Variants in PCDHA6 observed in about 807,000 individuals in gnomAD.
The protein encoded by PCDHA6 is protocadherin alpha-6.
Under a neutral mutation model 60.3 loss-of-function variants are expected in PCDHA6, and 55 were observed. The observed-to-expected ratio is 0.91, with a 90% CI of 0.73 to 1.14. The LOEUF (loss-of-function observed/expected upper bound fraction) is 1.14, where lower values mean the gene tolerates loss of function less well. Among genes scored for constraint, PCDHA6 ranks in the 50% most tolerant of loss-of-function variants. The pLI, the probability that PCDHA6 is intolerant of heterozygous loss-of-function variation, is 0.00. For missense variants in PCDHA6, 1,327 were observed against 1,256.5 expected (o/e 1.06, Z -0.85); for synonymous variants, 652 against 557.9 (o/e 1.17, Z -2.38).
chr5:140,917,442 G>C (rs186885625), intron 1 of PCDHA6, among the ~76,000 whole-genome samples: 5 of 152,072 alleles, frequency 3.3e-5, no homozygotes, highest in Admixed American at 3.3e-4. Flanking sequence ...TGTTTTTGCT[G>C]CAAGAGCGTT....
chr5:140,875,478 G>T, intron 1 of PCDHA6: 4 of 1,610,404 alleles, frequency 2.5e-6, no homozygotes, highest in Non-Finnish European at 3.4e-6. Flanking sequence ...CTGCAATGGT[G>T]ATTATCGGAC....
chr5:140,834,050 T>C (rs1772774316), intron 1 of PCDHA6, among the ~76,000 whole-genome samples: 1 of 152,196 alleles, frequency 6.6e-6, no homozygotes, highest in African/African-American at 2.4e-5. Flanking sequence ...TAAGAATGCT[T>C]CTAACAATCA....
At chr5:140,966,882 C>A (rs782464160) in intron 1 of PCDHA6, 1 of 1,589,690 alleles carries the variant, frequency 6.3e-7, no homozygotes, top group Non-Finnish European at 8.5e-7. Context: ...CTACCTGGCC[C>A]TGCGGCCTCC....
chr5:140,891,782 T>C (rs574840881), intron 1 of PCDHA6, among the ~76,000 whole-genome samples: 1 of 152,284 alleles, frequency 6.6e-6, no homozygotes, highest in African/African-American at 2.4e-5. Flanking sequence ...AGGAAATGTT[T>C]AGATTATGAG....
At chr5:140,922,068 A>C (rs1554200634) in intron 1 of PCDHA6, among the ~76,000 whole-genome samples, 1 of 152,196 alleles carries the variant, frequency 6.6e-6, no homozygotes, top group African/African-American at 2.4e-5. Context: ...TAGCAATCCC[A>C]CTAAGCAAAA....
chr5:140,864,321 C>T (rs1040853151), intron 1 of PCDHA6: 1 of 152,126 alleles, frequency 6.6e-6, no homozygotes, highest in African/African-American at 2.4e-5. Flanking sequence ...TATTTAATAT[C>T]ATAATTATTT....
intron 1 of PCDHA6, among the ~76,000 whole-genome samples, chr5:140,952,940 G>A (rs2094821781): frequency 6.6e-6 from 1 of 152,066 alleles, no homozygotes. Context: ...AGGAGCAAGA[G>A]AGAGAGAAGG....
chr5:140,862,881 T>C, intron 1 of PCDHA6: 3 of 564,618 alleles, frequency 5.3e-6, no homozygotes, highest in Non-Finnish European at 1.0e-5. Context: ...GTATTAGTGC[T>C]GGAACGACAA....
chr5:140,851,523 C>T lies in PCDHA6; in HGVS notation c.2394+21038C>T, dbSNP rs1562479634. The T allele has an allele frequency of 1.1e-5, 10 of 902,364 alleles. 2 individuals are homozygous for T. The highest frequency in any genetic ancestry group is 1.4e-5 in the Non-Finnish European group (10 of 740,586). 55.9% of individuals were successfully genotyped at this position (902,364 alleles called of 1,614,324 possible). A position where few individuals can be genotyped will look rare whatever the true frequency, so the allele number is the denominator to read the frequency against. On this transcript the variant is annotated intron_variant, in intron 1 of 3. Coordinates refer to ENST00000529310, the MANE Select transcript of PCDHA6 (RefSeq NM_018909.4). The stretch of plus-strand genomic sequence containing the variant: ...CTTATATAAAATATGTTTTAAAATG[C>T]CTGACAATGTAGATAATTCAAGAAA...
At chr5:140,928,699 G>A in intron 1 of PCDHA6, 3 of 1,614,170 alleles carry the variant, frequency 1.9e-6, no homozygotes, top group Non-Finnish European at 2.5e-6. Flanking sequence ...CATCTCCCGG[G>A]CGTCTGACTC....
chr5:140,864,821 G>A (rs575763318), intron 1 of PCDHA6: 20 of 152,124 alleles, frequency 1.3e-4, no homozygotes, highest in Middle Eastern at 3.4e-3. Flanking sequence ...CACTTATTTG[G>A]GCTTTAAGTA....
rs782009767 is a variant in PCDHA6, at chr5:140,830,181, A to T, written c.2090A>T (p.Asn697Ile). The change falls in exon 1 of 4, where the codon AAC becomes ATC. Residue 697 changes from asparagine to isoleucine, a missense_variant. Coordinates refer to ENST00000529310, the MANE Select transcript of PCDHA6 (RefSeq NM_018909.4). ...CCAGAGGCGGCGCTGGTGGATGTCA[A>T]CGTGTACCTGATCATCGCCATCTGC... ...AGPEAALVDVNVYLIIAICAV... is the reference protein window; with the variant it reads ...AGPEAALVDVIVYLIIAICAV... 7 of 1,613,474 alleles carry T rather than the reference A, an allele frequency of 4.3e-6. No individual in the cohort carries two copies. In the Admixed American group the frequency reaches 1.0e-4, roughly 23 times the overall value.
intron 1 of PCDHA6, chr5:140,834,189 G>A: frequency 1.7e-6 from 1 of 573,600 alleles, no homozygotes; most frequent in South Asian, 2.6e-5. Flanking sequence ...ACATGATGTC[G>A]CTCTTTACCG....
At chr5:140,884,329 G>T (rs782258780) in intron 1 of PCDHA6, 1 of 1,613,760 alleles carries the variant, frequency 6.2e-7, no homozygotes, top group Non-Finnish European at 8.5e-7. Flanking sequence ...CAGGCGCTGT[G>T]GGTCCAGAAG....
chr5:140,907,037 A>G (rs2073120356), intron 1 of PCDHA6, among the ~76,000 whole-genome samples: 1 of 152,202 alleles, frequency 6.6e-6, no homozygotes, highest in Non-Finnish European at 1.5e-5. Flanking sequence ...ATAATGTCAC[A>G]GGGACAGTAA....
At chr5:140,905,202 T>C (rs1554191944) in intron 1 of PCDHA6, among the ~76,000 whole-genome samples, 1 of 152,196 alleles carries the variant, frequency 6.6e-6, no homozygotes, top group Non-Finnish European at 1.5e-5. Flanking sequence ...CCATCTTGAG[T>C]TGATTTTTGT....
At chr5:140,961,548 TTC>T (rs1261051270) in intron 1 of PCDHA6, among the ~76,000 whole-genome samples, 4 of 152,230 alleles carry the variant, frequency 2.6e-5, no homozygotes, top group African/African-American at 9.6e-5. Context: ...CCTGCAGCAT[TTC>T]TTTTTTTAAA....
chr5:140,840,858 A>G (rs1200683649), intron 1 of PCDHA6, among the ~76,000 whole-genome samples: 2 of 152,006 alleles, frequency 1.3e-5, no homozygotes, highest in Non-Finnish European at 2.9e-5. Context: ...TCCACACGAA[A>G]CTATGGAGGA....
At chr5:140,979,865 G>C (rs2096867408) in intron 2 of PCDHA6, among the ~76,000 whole-genome samples, 1 of 152,162 alleles carries the variant, frequency 6.6e-6, no homozygotes, top group Non-Finnish European at 1.5e-5. Flanking sequence ...CAAAATATCT[G>C]GGCAACTATC....
Sources: gnomAD v4.1 joint callset for allele counts (sites outside exome capture counted in the v4.1 genomes callset) on GRCh38, gnomAD v4.1.1 for gene constraint, MANE v1.5 for transcripts, NCBI Gene and HGNC (gene_info 2026-07-23, HGNC 2026-07-21) for gene names.